Variants in STOX2 observed in about 807,000 individuals in gnomAD.
The protein encoded by STOX2 is storkhead box 2, also known as storkhead-box protein 2.
In STOX2, 28 loss-of-function variants were observed where a neutral mutation model predicts 60.9. The ratio of observed to expected loss-of-function variants is 0.46; its 90% CI spans 0.34 to 0.63. The LOEUF (loss-of-function observed/expected upper bound fraction) is 0.63. Among genes scored for constraint, STOX2 ranks in the 30% least tolerant of loss-of-function variants. The pLI is 0.01. For synonymous variants in STOX2, 472 were observed against 463.9 expected, an observed-to-expected ratio of 1.02 and a Z score of -0.22; for missense variants, 1,024 against 1,187.7, an observed-to-expected ratio of 0.86 and a Z score of 2.03.
At chr4:184,004,370 C>T (rs184735744) in intron 2 of STOX2, among the ~76,000 whole-genome samples, 27 of 152,140 alleles carry the variant, frequency 1.8e-4, no homozygotes, top group Admixed American at 1.3e-3. Context: ...GAGGCCGAGG[C>T]GGGCGGATCA....
At chr4:183,812,521 T>C in intron 1 of STOX2, among the ~76,000 whole-genome samples, 1 of 152,328 alleles carries the variant, frequency 6.6e-6, no homozygotes, top group South Asian at 2.1e-4. Context: ...AGTTTATTAG[T>C]AGAAACTCAG....
chr4:183,985,868 G>A (rs1369875676), intron 1 of STOX2, among the ~76,000 whole-genome samples: 1 of 152,180 alleles, frequency 6.6e-6, no homozygotes, highest in African/African-American at 2.4e-5. Context: ...GTGCTTATTA[G>A]GCACCCTGTC....
chr4:183,815,030 C>T (rs375563758), intron 1 of STOX2, among the ~76,000 whole-genome samples: 39 of 151,676 alleles, frequency 2.6e-4, no homozygotes, highest in East Asian at 1.7e-3. Context: ...GACAAGGTTT[C>T]GCTCTGTTGC....
intron 1 of STOX2, among the ~76,000 whole-genome samples, chr4:183,835,528 C>T (rs140720932): frequency 1.3e-3 from 201 of 152,130 alleles, no homozygotes; most frequent in African/African-American, 4.8e-3. Flanking sequence ...CTGGCCAAAC[C>T]AATAGATTTT....
chr4:183,988,951 T>A (rs1238610828), intron 1 of STOX2, among the ~76,000 whole-genome samples: 1 of 152,188 alleles, frequency 6.6e-6, no homozygotes, highest in African/African-American at 2.4e-5. Context: ...AGCCTCAATC[T>A]TAGGCAGTCC....
chr4:183,826,565 T>A (rs988039367), intron 1 of STOX2, among the ~76,000 whole-genome samples: 2 of 152,228 alleles, frequency 1.3e-5, no homozygotes, highest in African/African-American at 4.8e-5. Context: ...ATACGAGCCA[T>A]TAGCTTGTCG....
At chr4:183,877,712 G>A (rs2164301) in intron 1 of STOX2, among the ~76,000 whole-genome samples, 42,651 of 151,944 alleles carry the variant, frequency 0.28, 6,572 homozygotes, top group South Asian at 0.35. Flanking sequence ...AAGGAATCTC[G>A]CTCTGTCTCC....
rs546605476 is a variant in STOX2, at chr4:183,912,389, T to TC, written c.166+5438dup. On this transcript the variant is annotated intron_variant, in intron 1 of 3. Transcript: ENST00000308497. ...TCACTTTTCCACCTCTTCTTCTCTT[T>TC]CCCCCACTGTTCACCTCACCCTGTG... Among the ~76,000 whole-genome samples the TC allele has an allele frequency of 2.3e-3, 344 of 152,270 alleles. 1 individual carries two copies. Among genetic ancestry groups the TC allele is most frequent in the Non-Finnish European group, 4.4e-3 (298 of 68,016 alleles).
intron 1 of STOX2, among the ~76,000 whole-genome samples, chr4:183,884,516 A>G (rs983572856): frequency 6.6e-6 from 1 of 152,164 alleles, no homozygotes; most frequent in Non-Finnish European, 1.5e-5. Flanking sequence ...GGTTAGATAC[A>G]TGTCCTATTC....
At chr4:183,995,073 T>A (rs1411501824) in intron 1 of STOX2, among the ~76,000 whole-genome samples, 2 of 152,196 alleles carry the variant, frequency 1.3e-5, no homozygotes, top group Admixed American at 6.5e-5. Flanking sequence ...TACTTTAAGA[T>A]GAAATGACAT....
intron 1 of STOX2, among the ~76,000 whole-genome samples, chr4:183,839,064 CACACACAG>C (rs1271979123): frequency 6.6e-6 from 1 of 152,102 alleles, no homozygotes; most frequent in African/African-American, 2.4e-5. Flanking sequence ...CACACACACA[CACACACAG>C]AGAGCAGGCC....
intron 1 of STOX2, among the ~76,000 whole-genome samples, chr4:183,890,110 A>G (rs2871379): frequency 0.94 from 143,412 of 152,230 alleles, 68,170 homozygotes; most frequent in Non-Finnish European, 1. Context: ...GCATACCATT[A>G]AGCTAGCAAC....
At chr4:183,849,011 G>A (rs924785434) in intron 1 of STOX2, among the ~76,000 whole-genome samples, 2 of 152,144 alleles carry the variant, frequency 1.3e-5, no homozygotes, top group African/African-American at 4.8e-5. Context: ...GCAATCTCCA[G>A]GCCCTTAGAT....
chr4:184,009,969 G>A lies in STOX2; in HGVS notation c.1131G>A (p.Arg377=). 6.2e-7 allele frequency: 1 copy of A among 1,613,822 alleles called. No individual in the cohort carries two copies. The highest frequency in any genetic ancestry group is 1.3e-5 in the African/African-American group (1 of 75,036). The change falls in exon 3 of 4, where the codon CGG becomes CGA. Residue 377 remains arginine (R), a synonymous_variant. Coordinates refer to ENST00000308497, the MANE Select transcript of STOX2 (RefSeq NM_020225.3). The surrounding 1 kb of genome is among the most constrained non-coding windows in gnomAD (Gnocchi z 4.0). The part of the protein sequence containing the change: ...HGKSRSHSKT[R]VSKGDPSDGS... ...AGTCTCGGTCTCACAGCAAGACACGGGTGTCTAAAGGAGACCCTTCCGACG... is the reference window on the plus strand; with the variant it reads ...AGTCTCGGTCTCACAGCAAGACACGAGTGTCTAAAGGAGACCCTTCCGACG...
intron 1 of STOX2, among the ~76,000 whole-genome samples, chr4:183,860,954 C>T (rs1740426608): frequency 6.6e-6 from 1 of 152,162 alleles, no homozygotes; most frequent in African/African-American, 2.4e-5. Flanking sequence ...TAGTTGTTTG[C>T]AAAGGGATTA....
At chr4:183,989,662 T>C (rs1345008065) in intron 1 of STOX2, among the ~76,000 whole-genome samples, 1 of 152,214 alleles carries the variant, frequency 6.6e-6, no homozygotes, top group Non-Finnish European at 1.5e-5. Context: ...TGTTAACTGC[T>C]AAGGAAGTAA....
chr4:183,863,396 C>T (rs994778126), intron 1 of STOX2, among the ~76,000 whole-genome samples: 1 of 152,172 alleles, frequency 6.6e-6, no homozygotes, highest in Non-Finnish European at 1.5e-5. Flanking sequence ...ACTAAATGAG[C>T]TCTTGAAAGA....
chr4:183,798,123 G>A, intron 1 of STOX2: 1 of 1,210,786 alleles, frequency 8.3e-7, no homozygotes. Context: ...GTGCGGTCGC[G>A]GGTGCCCCGC....
chr4:184,017,261 C>T lies in STOX2; in HGVS notation c.2758C>T (p.Gln920Ter). The T allele has an allele frequency of 6.2e-7, 1 of 1,600,260 alleles. No homozygotes were observed. Among genetic ancestry groups the T allele is most frequent in the Non-Finnish European group, 8.5e-7 (1 of 1,173,150 alleles). Residue 920 changes from glutamine (Q) to a stop codon, truncating the protein, a stop_gained, in exon 4 of 4, where the codon CAA (glutamine) becomes TAA (stop). Coordinates refer to ENST00000308497, the MANE Select transcript of STOX2 (RefSeq NM_020225.3). LOFTEE classifies it high-confidence loss of function. ...GCTACAGAAACCTTCCAACTGCTTG[C>T]AAGCTTCTGTTACTAGCGTGTGATT... ...EKLQKPSNCL[Q>*]ASVTSV is the part of the protein sequence containing the mutation.
Sources: gnomAD v4.1 joint callset for allele counts (sites outside exome capture counted in the v4.1 genomes callset) on GRCh38, gnomAD v4.1.1 for gene constraint, Gnocchi (gnomAD v3.1) non-coding constraint, MANE v1.5 for transcripts, NCBI Gene and HGNC (gene_info 2026-07-23, HGNC 2026-07-21) for gene names.